ITGBL1: variants seen among roughly 807,000 people sequenced by gnomAD.
ITGBL1 encodes integrin subunit beta like 1, also known as integrin beta-like protein 1.
A neutral mutation model predicts 68.5 loss-of-function variants in ITGBL1; 51 were observed. That is an observed-to-expected ratio of 0.74 (90% confidence interval 0.59 to 0.94). ITGBL1 has a LOEUF of 0.94. ITGBL1 is among the 40% of genes least tolerant of loss of function. ITGBL1 has a pLI of 0.00. For missense variants in ITGBL1, 649 were observed against 647.4 expected (o/e 1.00, Z -0.03); for synonymous variants, 209 against 227.3 (o/e 0.92, Z 0.72).
intron 2 of ITGBL1, among the ~76,000 whole-genome samples, chr13:101,492,922 T>G (rs1314059373): frequency 6.6e-6 from 1 of 152,234 alleles, no homozygotes; most frequent in African/African-American, 2.4e-5. Context: ...CAAGTTCAAA[T>G]GCAGAAGCTT....
chr13:101,476,585 A>G (rs1057153960), intron 2 of ITGBL1, among the ~76,000 whole-genome samples: 8 of 152,126 alleles, frequency 5.3e-5, no homozygotes, highest in African/African-American at 1.7e-4. Context: ...ATGAGACCCA[A>G]TGAACATTTG....
rs78782008 is a variant in ITGBL1 at position 101,518,449 on chromosome 13, A to G, written c.317-49250A>G. ...GTCCAAACAGTTAAGAGTCACGTTT[A>G]AAATGGTATCAACTGATACCTACTC... On this transcript the variant is annotated intron_variant, in intron 2 of 10. Coordinates refer to ENST00000376180, the MANE Select transcript of ITGBL1 (RefSeq NM_004791.3). 1.2e-3 allele frequency among the ~76,000 whole-genome samples: 182 copies of G among 152,324 alleles called. 2 individuals are homozygous for G. Among genetic ancestry groups the G allele is most frequent in the Admixed American group, 2.0e-3 (31 of 15,298 alleles).
At chr13:101,705,147 A>T (rs9518498) in intron 8 of ITGBL1, among the ~76,000 whole-genome samples, 123 of 151,690 alleles carry the variant, frequency 8.1e-4, no homozygotes, top group African/African-American at 2.8e-3. Flanking sequence ...CAGGATCCCA[A>T]TTTTCTCCAG....
intron 8 of ITGBL1, among the ~76,000 whole-genome samples, chr13:101,701,030 T>G (rs2034124642): frequency 6.6e-6 from 1 of 152,254 alleles, no homozygotes. Flanking sequence ...TTCTAAGCTG[T>G]TAATACAATT....
chr13:101,706,615 A>C lies in ITGBL1; in HGVS notation c.1133-141A>C. The C allele has an allele frequency of 5.2e-6, 4 of 768,530 alleles. No homozygotes were observed. The South Asian group carries it at 9.1e-5, about 18-fold the overall frequency. 47.6% of individuals were successfully genotyped at this position (768,530 alleles called of 1,614,324 possible). ...GTTGTAAGTTCTTTCAAACAATTACATGCCAAATTGACTATGCATAAAGAA... is the reference window on the plus strand; with the variant it reads ...GTTGTAAGTTCTTTCAAACAATTACCTGCCAAATTGACTATGCATAAAGAA... On this transcript the variant is annotated intron_variant, in intron 8 of 10. Coordinates refer to ENST00000376180, the MANE Select transcript of ITGBL1 (RefSeq NM_004791.3).
At chr13:101,706,200 A>G (rs2034260229) in intron 8 of ITGBL1, among the ~76,000 whole-genome samples, 1 of 152,216 alleles carries the variant, frequency 6.6e-6, no homozygotes, top group Non-Finnish European at 1.5e-5. Context: ...ATCCAAGCTA[A>G]TGTTAATTTT....
At chr13:101,683,024 C>A (rs1163666948) in intron 7 of ITGBL1, among the ~76,000 whole-genome samples, 1 of 152,040 alleles carries the variant, frequency 6.6e-6, no homozygotes, top group African/African-American at 2.4e-5. Flanking sequence ...AAACATGGCT[C>A]ACCAATTTTA....
At chr13:101,491,787 C>G (rs768000910) in intron 2 of ITGBL1, among the ~76,000 whole-genome samples, 2 of 152,110 alleles carry the variant, frequency 1.3e-5, no homozygotes, top group East Asian at 1.9e-4. Flanking sequence ...CCCTCCACCC[C>G]CTGACAGGGC....
At chr13:101,569,025 A>ACACACAC (rs2050227306) in intron 3 of ITGBL1, among the ~76,000 whole-genome samples, 12 of 103,654 alleles carry the variant, frequency 1.2e-4, no homozygotes, top group East Asian at 3.4e-4. Flanking sequence ...CACCCCTCCA[A>ACACACAC]ACACACACAC....
chr13:101,545,613 C>T (rs2049806840), intron 2 of ITGBL1, among the ~76,000 whole-genome samples: 1 of 152,074 alleles, frequency 6.6e-6, no homozygotes, highest in South Asian at 2.1e-4. Flanking sequence ...ACATATAATT[C>T]AGCAGTAAAA....
intron 8 of ITGBL1, among the ~76,000 whole-genome samples, chr13:101,703,266 C>T (rs1464164135): frequency 6.6e-6 from 1 of 151,944 alleles, no homozygotes; most frequent in Non-Finnish European, 1.5e-5. Context: ...GAAGGGTAGT[C>T]GCTTTTTGCT....
Position 101,474,972 on chromosome 13 carries a change from A to G in ITGBL1, c.316+20872A>G, listed in dbSNP as rs141949513. Among the ~76,000 whole-genome samples the G allele has an allele frequency of 1.4e-4, 21 of 152,328 alleles. No homozygotes were observed. The East Asian group carries it at 3.7e-3, about 27-fold the overall frequency. On this transcript the variant is annotated intron_variant, in intron 2 of 10. Transcript: ENST00000376180. The stretch of plus-strand genomic sequence containing the variant: ...GAAATCCCTTCTAAGAAGGACAGAT[A>G]CAAATAAGCCTGGACAGTGAAGACA...
At chr13:101,660,049 A>T (rs2033042131) in intron 7 of ITGBL1, among the ~76,000 whole-genome samples, 1 of 152,000 alleles carries the variant, frequency 6.6e-6, no homozygotes, top group Non-Finnish European at 1.5e-5. Flanking sequence ...AGCCTCCTTG[A>T]CCTCCACCCT....
intron 7 of ITGBL1, among the ~76,000 whole-genome samples, chr13:101,692,026 G>A (rs1001540196): frequency 5.9e-5 from 9 of 152,206 alleles, no homozygotes; most frequent in African/African-American, 1.4e-4. Flanking sequence ...ATTTTAAGAC[G>A]AGGATAATAA....
chr13:101,638,446 A>C (rs1409925805), intron 7 of ITGBL1, among the ~76,000 whole-genome samples: 2 of 149,080 alleles, frequency 1.3e-5, no homozygotes, highest in Non-Finnish European at 3.0e-5. Context: ...AAAAAAAAAA[A>C]ACTATTTGTA....
At chr13:101,717,650 CCT>C (rs2034775985), downstream of ITGBL1, 1 of 150,290 alleles carries the variant, frequency 6.7e-6, no homozygotes, top group Non-Finnish European at 1.5e-5. Context: ...CACGTACGTC[CCT>C]GTCTCATATT....
At chr13:101,489,464 G>A (rs1268628358) in intron 2 of ITGBL1, among the ~76,000 whole-genome samples, 17 of 152,140 alleles carry the variant, frequency 1.1e-4, no homozygotes, top group East Asian at 1.9e-4. Flanking sequence ...ACCCTTCCTC[G>A]TCTATTAATA....
In ITGBL1 at chr13:101,473,300, C is replaced by T. The variant is rs185348545; in HGVS notation, c.316+19200C>T. Among the ~76,000 whole-genome samples the T allele has an allele frequency of 1.1e-4, 16 of 152,266 alleles. No homozygotes were observed. The South Asian group carries it at 1.9e-3, about 18-fold the overall frequency. On this transcript the variant is annotated intron_variant, in intron 2 of 10. Coordinates refer to ENST00000376180, the MANE Select transcript of ITGBL1 (RefSeq NM_004791.3). ...ATCACCACACCATGCCTACCCCATCCGCCGGCAGCAGCCATGTAGTGTGGA... is the reference window on the plus strand; with the variant it reads ...ATCACCACACCATGCCTACCCCATCTGCCGGCAGCAGCCATGTAGTGTGGA...
chr13:101,511,255 G>T (rs1383736339), intron 2 of ITGBL1, among the ~76,000 whole-genome samples: 1 of 152,084 alleles, frequency 6.6e-6, no homozygotes, highest in African/African-American at 2.4e-5. Flanking sequence ...TTTGCAGAAA[G>T]TATGGGTTCA....
Sources: allele counts gnomAD v4.1 joint callset (sites outside exome capture counted in the v4.1 genomes callset), GRCh38; gene constraint gnomAD v4.1.1; transcripts MANE v1.5; gene names NCBI Gene and HGNC (gene_info 2026-07-23, HGNC 2026-07-21).